Variants in FBN2 observed in about 807,000 individuals in gnomAD.
The protein encoded by FBN2 is fibrillin-2.
Under a neutral mutation model 355.6 loss-of-function variants are expected in FBN2, and 105 were observed. The ratio of observed to expected loss-of-function variants is 0.30; its 90% confidence interval spans 0.25 to 0.35. FBN2 has a LOEUF of 0.35. FBN2 is among the 10% of genes least tolerant of loss of function. The pLI is 1.00. For synonymous variants in FBN2, 1,350 were observed against 1,301.2 expected (o/e 1.04, Z -0.81); for missense variants, 3,280 against 3,758.7 (o/e 0.87, Z 3.33).
At chr5:128,461,237 A>T (rs2097196013) in intron 6 of FBN2, among the ~76,000 whole-genome samples, 1 of 152,228 alleles carries the variant, frequency 6.6e-6, no homozygotes, top group African/African-American at 2.4e-5. Flanking sequence ...TATGTGGCCA[A>T]CAAACATATA....
At chr5:128,440,670 T>C (rs1753896122) in intron 7 of FBN2, among the ~76,000 whole-genome samples, 1 of 152,230 alleles carries the variant, frequency 6.6e-6, no homozygotes, top group South Asian at 2.1e-4. Flanking sequence ...TGAACAAAGA[T>C]AAAATTAGTT....
At position 128,502,503 on chromosome 5, in the gene FBN2, C is replaced by T. The variant is rs138795221; in HGVS notation, c.628+16770G>A. ...AAGTTGGAATTTAAGTATAAAGCAA[C>T]AAATCAACATTATACACAATAAGAA... is the stretch of plus-strand genomic sequence containing the variant. On this transcript the variant is annotated intron_variant, in intron 5 of 64. Coordinates refer to ENST00000262464, the MANE Select transcript of FBN2 (RefSeq NM_001999.4). 6.7e-3 allele frequency among the ~76,000 whole-genome samples: 1,011 copies of T among 151,996 alleles called. 50 individuals are homozygous for T. Among genetic ancestry groups the T allele is most frequent in the Admixed American group, 0.053 (811 of 15,268 alleles).
At chr5:128,492,884 C>T (rs1167675866) in intron 5 of FBN2, among the ~76,000 whole-genome samples, 3 of 137,182 alleles carry the variant, frequency 2.2e-5, no homozygotes, top group African/African-American at 7.9e-5. Context: ...TTAGATAAAA[C>T]TTTATTTTGA....
At position 128,278,739 on chromosome 5, in the gene FBN2, C is replaced by T; in HGVS notation, c.7241G>A (p.Gly2414Asp). The change falls in exon 57 of 65, where the codon GGT (glycine) becomes GAT (aspartate). Residue 2414 changes from glycine (G) to aspartate (D), a missense_variant. By Grantham distance (94) the Gly-to-Asp change is moderately conservative. Coordinates refer to ENST00000262464, the MANE Select transcript of FBN2 (RefSeq NM_001999.4). ...LVTKSECCCDGGRGWGHQCEL... is the reference protein window; with the variant it reads ...LVTKSECCCDDGRGWGHQCEL... ...GCACTGGTGGCCCCAGCCTCGCCCA[C>T]CATCACAGCAGCATTCTGACTTAGT... The T allele has an allele frequency of 6.2e-7, 1 of 1,614,184 alleles. No individual in the cohort carries two copies. Among genetic ancestry groups the T allele is most frequent in the Non-Finnish European group, 8.5e-7 (1 of 1,180,020 alleles).
At chr5:128,329,931 G>A (rs980092163) in intron 33 of FBN2, among the ~76,000 whole-genome samples, 7 of 152,140 alleles carry the variant, frequency 4.6e-5, no homozygotes, top group Admixed American at 1.3e-4. Context: ...CAAAGAGTAT[G>A]AATGAATAGA....
chr5:128,536,376 A>AGCT (rs1561504091), intron 2 of FBN2, 26 bp downstream of exon 2: 2 of 1,597,510 alleles, frequency 1.3e-6, no homozygotes, highest in Admixed American at 3.3e-5. Context: ...CGCTGCCCCA[A>AGCT]GCTGCGATCC....
intron 23 of FBN2, 96 bp downstream of exon 23, chr5:128,349,251 A>G (rs980701416): frequency 3.5e-6 from 5 of 1,445,558 alleles, no homozygotes; most frequent in Non-Finnish European, 4.9e-6. Flanking sequence ...AAGTTTTCTC[A>G]AGTACAAACT....
chr5:128,528,418 A>G (rs1168285797), intron 3 of FBN2, among the ~76,000 whole-genome samples: 1 of 152,076 alleles, frequency 6.6e-6, no homozygotes, highest in East Asian at 1.9e-4. Context: ...AGACTGTGAT[A>G]AACTGTTTGA....
chr5:128,291,440 G>T (rs1367108398), intron 49 of FBN2, 89 bp downstream of exon 49: 1 of 1,442,268 alleles, frequency 6.9e-7, no homozygotes, highest in African/African-American at 1.4e-5. Context: ...CATGTATTTT[G>T]TTAGGACTAA....
rs1756366336 is a variant in FBN2 at position 128,519,272 on chromosome 5, C to A, written c.628+1G>T. 1.2e-6 allele frequency: 2 copies of A among 1,605,076 alleles called. No homozygotes were observed. On this transcript the variant is annotated splice_donor_variant, in intron 5 of 64. Coordinates refer to ENST00000262464, the MANE Select transcript of FBN2 (RefSeq NM_001999.4). LOFTEE classifies it high-confidence loss of function. ...AAGTAAAGTCTCATTTCTCTTCTTA[C>A]CTCTTTCACACTGTGGACCAGTGAA...
At chr5:128,433,085 G>T (rs1753666827) in intron 7 of FBN2, among the ~76,000 whole-genome samples, 1 of 152,090 alleles carries the variant, frequency 6.6e-6, no homozygotes, top group Non-Finnish European at 1.5e-5. Flanking sequence ...TGGAGATTAT[G>T]GGGATTAAAA....
rs1434859952 is a variant in FBN2, at chr5:128,302,900, A to C, written c.5917+73T>G. On this transcript the variant is annotated intron_variant, in intron 46 of 64. Coordinates refer to ENST00000262464, the MANE Select transcript of FBN2 (RefSeq NM_001999.4). ...GTAATATAATTTTTTTTTGTTCTTT[A>C]GTTTTGTTTTTTATTTCAGCACATT... is the stretch of plus-strand genomic sequence containing the variant. 1.0e-5 allele frequency: 9 copies of C among 884,986 alleles called. No individual in the cohort carries two copies. In the East Asian group the frequency reaches 2.2e-4, roughly 21 times the overall value. 54.8% of individuals were successfully genotyped at this position (884,986 alleles called of 1,614,324 possible).
chr5:128,453,598 C>T (rs755311655), intron 6 of FBN2, among the ~76,000 whole-genome samples: 1 of 152,094 alleles, frequency 6.6e-6, no homozygotes, highest in Non-Finnish European at 1.5e-5. Context: ...TTCTTTGAAG[C>T]ATGTTCATAC....
chr5:128,330,661 A>G lies in FBN2; in HGVS notation c.4257T>C (p.Cys1419=), dbSNP rs757117534. The G allele has an allele frequency of 6.2e-7, 1 of 1,613,916 alleles. No homozygotes were observed. Among genetic ancestry groups the G allele is most frequent in the East Asian group, 2.2e-5 (1 of 44,888 alleles). ...LDECSNGTHQ[C]SINAQCVNTP... is the part of the protein sequence containing the mutation. ...TATTTACACACTGAGCATTGATGCTACACTGGTGGGTTCCATTAGAACATT... is the reference window on the plus strand; with the variant it reads ...TATTTACACACTGAGCATTGATGCTGCACTGGTGGGTTCCATTAGAACATT... The change falls in exon 33 of 65, where the codon TGT becomes TGC. Residue 1419 remains cysteine, a synonymous_variant. Transcript: ENST00000262464.
At chr5:128,431,094 T>G (rs1208660335) in intron 7 of FBN2, among the ~76,000 whole-genome samples, 1 of 152,148 alleles carries the variant, frequency 6.6e-6, no homozygotes, top group Non-Finnish European at 1.5e-5. Flanking sequence ...TAGAGAAGAT[T>G]AGAAAGAGAA....
chr5:128,297,574 C>T (rs1471339677), intron 48 of FBN2, among the ~76,000 whole-genome samples: 1 of 152,120 alleles, frequency 6.6e-6, no homozygotes, highest in South Asian at 2.1e-4. Context: ...TTGAATTGAT[C>T]CCTTACCATT....
At chr5:128,433,620 G>A (rs562078488) in intron 7 of FBN2, among the ~76,000 whole-genome samples, 2 of 152,098 alleles carry the variant, frequency 1.3e-5, no homozygotes, top group African/African-American at 2.4e-5. Context: ...ATATGTTTAC[G>A]CTTCAGATTA....
At chr5:128,275,892 GT>G (rs1765382709) in intron 59 of FBN2, 145 bp downstream of exon 59, 2 of 894,504 alleles carry the variant, frequency 2.2e-6, no homozygotes, top group Non-Finnish European at 1.8e-6. Context: ...TATTGGTAGA[GT>G]TTTTCTATGA....
intron 39 of FBN2, among the ~76,000 whole-genome samples, chr5:128,310,402 ATTTTTTTTT>A (rs199690802): frequency 1.2e-3 from 27 of 23,294 alleles, no homozygotes; most frequent in Middle Eastern, 0.026. Flanking sequence ...ATATATATAT[ATTTTTTTTT>A]TTTTTTTTTT....
Sources: gnomAD v4.1 joint callset for allele counts (sites outside exome capture counted in the v4.1 genomes callset) on GRCh38, gnomAD v4.1.1 for gene constraint, MANE v1.5 for transcripts, NCBI Gene and HGNC (gene_info 2026-07-23, HGNC 2026-07-21) for gene names.